Variants in PRKD2 observed in about 807,000 individuals in gnomAD.
PRKD2 encodes the protein protein kinase D2.
A neutral mutation model predicts 86.0 loss-of-function variants in PRKD2; 22 were observed. That is an observed-to-expected ratio of 0.26 (90% CI 0.18 to 0.37). PRKD2 has a LOEUF of 0.37. PRKD2 is among the 10% of genes least tolerant of loss of function. PRKD2 has a pLI of 1.00. For synonymous variants in PRKD2, 509 were observed against 510.9 expected (o/e 1.00, Z 0.05); for missense variants, 818 against 1,199.2 (o/e 0.68, Z 4.70).
chr19:46,680,182 T>A (rs1264379930), intron 15 of PRKD2, among the ~76,000 whole-genome samples: 1 of 152,204 alleles, frequency 6.6e-6, no homozygotes, highest in Non-Finnish European at 1.5e-5. Flanking sequence ...TGAATCTCAA[T>A]GTGACAGCCA....
chr19:46,675,287 C>T (rs1016585818), intron 16 of PRKD2, among the ~76,000 whole-genome samples, 169 bp from the exon 17 acceptor site: 12 of 152,196 alleles, frequency 7.9e-5, no homozygotes, highest in African/African-American at 2.7e-4. Context: ...TTCCTCATTA[C>T]ATTACAAATT....
intron 7 of PRKD2, among the ~76,000 whole-genome samples, chr19:46,700,524 C>A (rs140970739): frequency 1.3e-5 from 2 of 151,910 alleles, no homozygotes; most frequent in African/African-American, 4.8e-5. Flanking sequence ...CCCAGCTACT[C>A]GAGAGGCTAA....
intron 13 of PRKD2, among the ~76,000 whole-genome samples, chr19:46,690,374 C>T (rs535309012): frequency 1.3e-5 from 2 of 152,314 alleles, no homozygotes; most frequent in East Asian, 1.9e-4. Flanking sequence ...GGTCTGGCTC[C>T]GCCCTCCTCC....
rs1384456428 is a variant in PRKD2 at position 46,700,881 on chromosome 19, A to C, written c.1039T>G (p.Ser347Ala). 6.2e-7 allele frequency: 1 copy of C among 1,614,208 alleles called. No individual in the cohort carries two copies. Among genetic ancestry groups the C allele is most frequent in the Non-Finnish European group, 8.5e-7 (1 of 1,180,046 alleles). Residue 347 changes from serine (S) to alanine (A), a missense_variant, in exon 7 of 18, where the codon TCC (serine) becomes GCC (alanine). By Grantham distance (99) the Ser-to-Ala change is moderately conservative. This residue lies in a region of PRKD2 where 403 missense variants were observed against 518.6 expected (regional missense o/e 0.78). Transcript: ENST00000291281. ...GAGTGGGAGCCAGGGATGACACCGG[A>C]GTCCTCTGACTCATCCATGAGGGCG... ...KSALMDESED[S>A]GVIPGSHSEN...
chr19:46,703,958 A>AACACACAC (rs10528388), intron 5 of PRKD2, among the ~76,000 whole-genome samples: 5,601 of 133,644 alleles, frequency 0.042, 261 homozygotes, highest in African/African-American at 0.11. Context: ...AAACAACAAC[A>AACACACAC]ACACACACAC....
chr19:46,674,907 G>A lies in PRKD2; in HGVS notation c.2424+126C>T, dbSNP rs1358441801. 2.5e-6 allele frequency: 3 copies of A among 1,193,722 alleles called. No individual in the cohort carries two copies. The East Asian group carries it at 7.7e-5, about 31-fold the overall frequency. The allele number at this position is 1,193,722 out of a possible 1,614,324, so 73.9% of individuals were successfully genotyped here. ...CCCCTCTTCCTGCACCCAGCCAATG[G>A]GAGGCCTAGCCACATTCCAGACCCA... On this transcript the variant is annotated intron_variant, in intron 17 of 17. Transcript: ENST00000291281.
intron 4 of PRKD2, 33 bp downstream of exon 4, chr19:46,704,462 G>C: frequency 6.2e-7 from 1 of 1,613,934 alleles, no homozygotes; most frequent in Non-Finnish European, 8.5e-7. Flanking sequence ...CACCCCCCTA[G>C]CCACCAACCC....
At chr19:46,697,053 G>T in intron 9 of PRKD2, 104 bp downstream of exon 9, 1 of 960,292 alleles carries the variant, frequency 1.0e-6, no homozygotes, top group Admixed American at 1.8e-5. Flanking sequence ...GGCAGAGGGT[G>T]TGATTTGCAG....
In PRKD2 at chr19:46,674,642, A is replaced by T; in HGVS notation, c.2518T>A (p.Phe840Ile). The T allele has an allele frequency of 6.2e-7, 1 of 1,607,012 alleles. No individual in the cohort carries two copies. The highest frequency in any genetic ancestry group is 8.5e-7 in the Non-Finnish European group (1 of 1,179,810). ...CCAGGCAGCGGATGCTCTGCTGCAA[A>T]CTGCTCCCAGCGCGCGTCGTCACTC... is the stretch of plus-strand genomic sequence containing the variant. ...HESDDARWEQ[F>I]AAEHPLPGSG... The change falls in exon 18 of 18, where the codon TTT becomes ATT. Residue 840 changes from phenylalanine (F) to isoleucine (I), a missense_variant. Phe to Ile is a conservative substitution (Grantham distance 21). This residue lies in a region of PRKD2 where 132 missense variants were observed against 146.2 expected (regional missense o/e 0.90). Coordinates refer to ENST00000291281, the MANE Select transcript of PRKD2 (RefSeq NM_016457.5).
chr19:46,707,106 C>A (rs183916789), intron 3 of PRKD2, among the ~76,000 whole-genome samples: 2 of 151,332 alleles, frequency 1.3e-5, no homozygotes, highest in Non-Finnish European at 2.9e-5. Context: ...GTTGGCCAGG[C>A]TGGTCTCTAA....
chr19:46,687,094 C>T (rs8101269), intron 14 of PRKD2, among the ~76,000 whole-genome samples: 8,063 of 151,308 alleles, frequency 0.053, 543 homozygotes, highest in African/African-American at 0.15. Context: ...AAAAAAGAAA[C>T]GCAGAACAGA....
chr19:46,690,627 C>G lies in PRKD2; in HGVS notation c.1782G>C (p.Gln594His). The G allele has an allele frequency of 3.7e-6, 6 of 1,614,216 alleles. No individual in the cohort carries two copies. Among genetic ancestry groups the G allele is most frequent in the Non-Finnish European group, 5.1e-6 (6 of 1,180,030 alleles). The change falls in exon 13 of 18, where the codon CAG becomes CAC. Residue 594 changes from glutamine to histidine, a missense_variant. Coordinates refer to ENST00000291281, the MANE Select transcript of PRKD2 (RefSeq NM_016457.5). ...KLRFPTKQES[Q>H]LRNEVAILQS... ...GCAGAATGGCCACTTCATTCCGGAG[C>G]TGGCTCTCCTGCTTGGTAGGGAAGC...
Position 46,690,587 on chromosome 19 carries a change from G to C in PRKD2, c.1809+13C>G. On this transcript the variant is annotated intron_variant, in intron 13 of 17. Coordinates refer to ENST00000291281, the MANE Select transcript of PRKD2 (RefSeq NM_016457.5). ...AAGGAAGAAGCAGAAAGGGAAGGCG[G>C]CCTGGTGGTTACCTGCAGAATGGCC... 1.2e-6 allele frequency: 2 copies of C among 1,612,758 alleles called. No homozygotes were observed. Among genetic ancestry groups the C allele is most frequent in the East Asian group, 2.2e-5 (1 of 44,880 alleles).
At chr19:46,715,597 A>G (rs1301487489) in intron 1 of PRKD2, among the ~76,000 whole-genome samples, 2 of 152,192 alleles carry the variant, frequency 1.3e-5, no homozygotes, top group Non-Finnish European at 2.9e-5. Flanking sequence ...AGGAAAGGGA[A>G]TAGAGTCCCC....
rs562586733 is a variant in PRKD2, at chr19:46,706,429, C to T, written c.512-1780G>A. Among the ~76,000 whole-genome samples the T allele has an allele frequency of 1.1e-4, 16 of 152,276 alleles. No individual in the cohort carries two copies. In the South Asian group the frequency reaches 1.7e-3, roughly 16 times the overall value. ...TAATCACGGAGGCAAGCTTGGAGAA[C>T]GGTGTTGGCCCTGCAAGAAGAGCTT... On this transcript the variant is annotated intron_variant, in intron 3 of 17. Transcript: ENST00000291281.
intron 9 of PRKD2, among the ~76,000 whole-genome samples, chr19:46,695,570 G>A (rs1383894564): frequency 1.3e-5 from 2 of 152,242 alleles, no homozygotes; most frequent in African/African-American, 2.4e-5. Flanking sequence ...TTGTCCAAGG[G>A]CCCTAGGAAG....
At position 46,690,930 on chromosome 19, in the gene PRKD2, G is replaced by A. The variant is rs75656907; in HGVS notation, c.1703-224C>T. Among the ~76,000 whole-genome samples, 1,332 of 152,270 alleles carry A rather than the reference G, an allele frequency of 8.7e-3. 19 individuals carry two copies. The highest frequency in any genetic ancestry group is 0.029 in the African/African-American group (1,200 of 41,562). The stretch of plus-strand genomic sequence containing the variant: ...AAACAAACAAAAAGCTCCGAAGAAG[G>A]GAATGTATAACATGGGAAACTGGAT... On this transcript the variant is annotated intron_variant, in intron 12 of 17. Transcript: ENST00000291281.
intron 14 of PRKD2, chr19:46,686,293 C>T (rs958684975): frequency 1.3e-4 from 19 of 151,642 alleles, no homozygotes. Flanking sequence ...CCACTTAAGC[C>T]CAGGAGTTCG....
At chr19:46,703,588 G>A (rs1450821683) in intron 5 of PRKD2, among the ~76,000 whole-genome samples, 1 of 151,986 alleles carries the variant, frequency 6.6e-6, no homozygotes, top group Non-Finnish European at 1.5e-5. Flanking sequence ...TAGCTAACAT[G>A]GTGAAACCCC....
Sources: gnomAD v4.1 joint callset for allele counts (sites outside exome capture counted in the v4.1 genomes callset) on GRCh38, gnomAD v4.1.1 for gene constraint, gnomAD v4.1.1 regional missense constraint, MANE v1.5 for transcripts, NCBI Gene and HGNC (gene_info 2026-07-23, HGNC 2026-07-21) for gene names.